CACNA1D: variants seen among roughly 807,000 people sequenced by gnomAD.
CACNA1D encodes the protein voltage-dependent L-type calcium channel subunit alpha-1D.
A neutral mutation model predicts 257.1 loss-of-function variants in CACNA1D; 55 were observed. That is an observed-to-expected ratio of 0.21 (90% CI 0.17 to 0.27). The LOEUF (loss-of-function observed/expected upper bound fraction) is 0.27. Ranked by LOEUF, CACNA1D falls within the 10% of genes least tolerant of loss-of-function variation. The pLI is 1.00. For synonymous variants in CACNA1D, 980 were observed against 1,014.9 expected, an observed-to-expected ratio of 0.97 and a Z score of 0.65; for missense variants, 1,876 against 2,784.0, an observed-to-expected ratio of 0.67 and a Z score of 7.34.
At chr3:53,629,321 A>G (rs915463733) in intron 3 of CACNA1D, among the ~76,000 whole-genome samples, 1 of 152,258 alleles carries the variant, frequency 6.6e-6, no homozygotes, top group African/African-American at 2.4e-5. Context: ...TCTGGCTGAC[A>G]CTAACCAGGA....
chr3:53,677,739 T>C (rs1231259482), intron 8 of CACNA1D, among the ~76,000 whole-genome samples: 1 of 152,254 alleles, frequency 6.6e-6, no homozygotes, highest in East Asian at 1.9e-4. Flanking sequence ...TTGACAATGT[T>C]TTTTTGCACA....
rs3217446 is a variant in CACNA1D at position 53,787,425 on chromosome 3, CTGTGTGTGTGTG to C, written c.4923+491_4923+502del. ...CATCCATCACCTCCTAGTATGTATT[CTGTGTGTGTGTG>C]TGTGTGTGTGTGTGTGTATGTATGT... is the stretch of plus-strand genomic sequence containing the variant. On this transcript the variant is annotated intron_variant, in intron 40 of 47. Coordinates refer to ENST00000350061, the MANE Select transcript of CACNA1D (RefSeq NM_001128840.3). 5.1e-5 allele frequency among the ~76,000 whole-genome samples: 7 copies of C among 136,252 alleles called. No homozygotes were observed. The South Asian group carries it at 1.4e-3, about 27-fold the overall frequency. 89.4% of individuals were successfully genotyped at this position (136,252 alleles called of 152,430 possible).
chr3:53,656,270 T>G (rs1012577422), intron 4 of CACNA1D, among the ~76,000 whole-genome samples: 7 of 152,204 alleles, frequency 4.6e-5, no homozygotes, highest in Non-Finnish European at 1.0e-4. Flanking sequence ...GGCTCCTTTT[T>G]TGTTCCATAT....
chr3:53,592,326 C>T (rs1258147499), intron 3 of CACNA1D, among the ~76,000 whole-genome samples: 3 of 152,128 alleles, frequency 2.0e-5, no homozygotes, highest in African/African-American at 2.4e-5. Flanking sequence ...GATGGGCACC[C>T]AGCCTGGCTG....
intron 8 of CACNA1D, among the ~76,000 whole-genome samples, chr3:53,683,890 T>C (rs2094453180): frequency 6.6e-6 from 1 of 152,110 alleles, no homozygotes; most frequent in Admixed American, 6.6e-5. Flanking sequence ...AAGCTGAACA[T>C]GTTGCAAGTA....
intron 3 of CACNA1D, among the ~76,000 whole-genome samples, chr3:53,563,533 CA>C (rs34553768): frequency 0.42 from 40,082 of 95,626 alleles, 6,258 homozygotes; most frequent in Middle Eastern, 0.48. Flanking sequence ...GACTCTGTCT[CA>C]AAAAAAAAAA....
intron 45 of CACNA1D, among the ~76,000 whole-genome samples, chr3:53,805,528 G>A (rs949847199): frequency 6.6e-6 from 1 of 152,168 alleles, no homozygotes; most frequent in Non-Finnish European, 1.5e-5. Context: ...CTCTGTGATG[G>A]GGTGACTGAG....
At chr3:53,635,714 C>G (rs2093875120) in intron 3 of CACNA1D, among the ~76,000 whole-genome samples, 1 of 152,126 alleles carries the variant, frequency 6.6e-6, no homozygotes, top group Non-Finnish European at 1.5e-5. Flanking sequence ...GTGCTTTTTC[C>G]TACTCCATCC....
At chr3:53,550,919 GAAAT>G (rs894651372) in intron 3 of CACNA1D, among the ~76,000 whole-genome samples, 7 of 152,310 alleles carry the variant, frequency 4.6e-5, no homozygotes, top group East Asian at 3.9e-4. Context: ...AGCTCCCTCT[GAAAT>G]AAATAAAATT....
At chr3:53,677,628 A>G (rs919380335) in intron 8 of CACNA1D, among the ~76,000 whole-genome samples, 3 of 152,184 alleles carry the variant, frequency 2.0e-5, no homozygotes, top group African/African-American at 7.2e-5. Context: ...ACACACATCA[A>G]CGTTGTACTC....
chr3:53,547,761 A>G (rs1314919183), intron 3 of CACNA1D, among the ~76,000 whole-genome samples: 2 of 152,034 alleles, frequency 1.3e-5, no homozygotes, highest in Non-Finnish European at 2.9e-5. Context: ...AACCATGGCA[A>G]TTTTCACTGA....
intron 42 of CACNA1D, among the ~76,000 whole-genome samples, 180 bp from the exon 43 acceptor site, chr3:53,801,967 A>G (rs1335945012): frequency 6.6e-6 from 1 of 152,238 alleles, no homozygotes; most frequent in Non-Finnish European, 1.5e-5. Context: ...CCTTTATAAC[A>G]ATAAAACCCG....
intron 3 of CACNA1D, among the ~76,000 whole-genome samples, chr3:53,546,371 T>C (rs969095654): frequency 1.3e-3 from 1 of 748 alleles, no homozygotes; most frequent in Non-Finnish European, 2.3e-3. Flanking sequence ...GGGTCTGAAT[T>C]TGGGGTAGGG....
At chr3:53,702,054 C>G (rs1037763555) in intron 8 of CACNA1D, among the ~76,000 whole-genome samples, 1 of 152,154 alleles carries the variant, frequency 6.6e-6, no homozygotes, top group African/African-American at 2.4e-5. Context: ...TGGGGACTGC[C>G]CTGACTCCAT....
At chr3:53,544,500 G>A (rs1268639580) in intron 3 of CACNA1D, among the ~76,000 whole-genome samples, 1 of 151,964 alleles carries the variant, frequency 6.6e-6, no homozygotes, top group African/African-American at 2.4e-5. Context: ...CTATGAAAAG[G>A]TCACAAGAAC....
chr3:53,730,523 A>C lies in CACNA1D; in HGVS notation c.2303A>C (p.Glu768Ala). The C allele has an allele frequency of 6.2e-7, 1 of 1,614,054 alleles. No homozygotes were observed. The change falls in exon 16 of 48, where the codon GAA becomes GCA. Residue 768 changes from glutamate to alanine, a missense_variant. Coordinates refer to ENST00000350061, the MANE Select transcript of CACNA1D (RefSeq NM_001128840.3). ...AESLNTAQKE[E>A]AEEKERKKIA... ...AGTCTGAACACTGCTCAGAAAGAAGAAGCGGAAGAAAAGGAGAGGAAAAAG... is the reference window on the plus strand; with the variant it reads ...AGTCTGAACACTGCTCAGAAAGAAGCAGCGGAAGAAAAGGAGAGGAAAAAG...
chr3:53,494,942 A>C lies in CACNA1D; in HGVS notation c.-225A>C. ...TTTTTTAAAAAGTTTATTTTGCTCCATTTTTGAAAAAGAGAGAGCTTGGGT... is the reference window on the plus strand; with the variant it reads ...TTTTTTAAAAAGTTTATTTTGCTCCCTTTTTGAAAAAGAGAGAGCTTGGGT... On this transcript the variant is annotated 5_prime_UTR_variant, in exon 1 of 48. Transcript: ENST00000350061. 1.8e-6 allele frequency: 1 copy of C among 570,222 alleles called. No homozygotes were observed. The allele number at this position is 570,222 out of a possible 1,614,324, so 35.3% of individuals were successfully genotyped here. A position where few individuals can be genotyped will look rare whatever the true frequency, so the allele number is the denominator to read the frequency against.
chr3:53,534,596 C>T (rs113443640), intron 3 of CACNA1D, among the ~76,000 whole-genome samples: 1,629 of 152,242 alleles, frequency 0.011, 30 homozygotes, highest in African/African-American at 0.037. Context: ...TTTCTCTGTC[C>T]CCGTCTCTCT....
chr3:53,691,767 T>A (rs9682727), intron 8 of CACNA1D, among the ~76,000 whole-genome samples: 6 of 58,876 alleles, frequency 1.0e-4, no homozygotes, highest in African/African-American at 1.4e-4. Context: ...TTACATATAA[T>A]ATATATATTA....
Sources: gnomAD v4.1 joint callset for allele counts (sites outside exome capture counted in the v4.1 genomes callset) on GRCh38, gnomAD v4.1.1 for gene constraint, MANE v1.5 for transcripts, NCBI Gene and HGNC (gene_info 2026-07-23, HGNC 2026-07-21) for gene names.